The following DAB1 variants were observed in gnomAD, a reference collection of about 807,000 sequenced individuals.
DAB1 encodes DAB adaptor protein 1, also known as disabled homolog 1.
A neutral mutation model predicts 64.6 loss-of-function variants in DAB1; 15 were observed. That is an observed-to-expected ratio of 0.23 (90% confidence interval 0.16 to 0.36). The LOEUF is 0.36. Ranked by LOEUF, DAB1 falls within the 10% of genes least tolerant of loss-of-function variation. The pLI is 1.00. For synonymous variants in DAB1, 235 were observed against 251.9 expected (o/e 0.93, Z 0.64); for missense variants, 596 against 706.7 (o/e 0.84, Z 1.78).
intron 6 of DAB1, among the ~76,000 whole-genome samples, chr1:57,674,314 T>A (rs780959005): frequency 2.0e-5 from 3 of 152,178 alleles, no homozygotes; most frequent in Non-Finnish European, 1.5e-5. Flanking sequence ...ATGATTGCCA[T>A]TTTATGGATG....
intron 5 of DAB1, among the ~76,000 whole-genome samples, chr1:58,064,359 G>A (rs909741794): frequency 1.3e-5 from 2 of 152,204 alleles, no homozygotes; most frequent in Non-Finnish European, 2.9e-5. Context: ...CTGCTGGGCT[G>A]GGAGTCACCA....
chr1:58,166,761 T>TG, intron 4 of DAB1, among the ~76,000 whole-genome samples: 1 of 151,842 alleles, frequency 6.6e-6, no homozygotes, highest in African/African-American at 2.4e-5. Flanking sequence ...TTTTTTTTTT[T>TG]TTTTAATTTG....
intron 7 of DAB1, among the ~76,000 whole-genome samples, chr1:57,585,628 T>C (rs1388652119): frequency 6.6e-6 from 1 of 152,180 alleles, no homozygotes. Flanking sequence ...TATGGTTTCT[T>C]TCTACCCCCT....
At chr1:58,424,948 G>GA (rs11412605) in intron 3 of DAB1, among the ~76,000 whole-genome samples, 66,131 of 151,734 alleles carry the variant, frequency 0.44, 15,072 homozygotes, top group Middle Eastern at 0.54. Context: ...GCAATGTGTG[G>GA]AGGCAATCCT....
At chr1:57,771,923 G>A (rs888523896) in intron 6 of DAB1, among the ~76,000 whole-genome samples, 3 of 152,080 alleles carry the variant, frequency 2.0e-5, no homozygotes, top group Admixed American at 1.3e-4. Flanking sequence ...GTCATTGGAG[G>A]TATTAATACT....
intron 2 of DAB1, among the ~76,000 whole-genome samples, chr1:57,166,367 C>A (rs983531654): frequency 6.6e-6 from 1 of 152,108 alleles, no homozygotes; most frequent in Non-Finnish European, 1.5e-5. Flanking sequence ...AAGAGAGATA[C>A]AAATTATAGG....
chr1:58,093,105 A>G (rs928595058), intron 5 of DAB1, among the ~76,000 whole-genome samples: 13 of 152,142 alleles, frequency 8.5e-5, no homozygotes, highest in African/African-American at 3.1e-4. Context: ...TGGGAGCGCC[A>G]GACTACCCTT....
intron 6 of DAB1, among the ~76,000 whole-genome samples, chr1:57,812,019 T>C (rs767565837): frequency 6.6e-5 from 10 of 152,036 alleles, no homozygotes; most frequent in Non-Finnish European, 1.3e-4. Context: ...ATAATATTGG[T>C]TCCCACCTAG....
chr1:58,439,064 A>G (rs1361658905), intron 3 of DAB1, among the ~76,000 whole-genome samples: 1 of 152,056 alleles, frequency 6.6e-6, no homozygotes, highest in African/African-American at 2.4e-5. Context: ...CTATATCCCA[A>G]GCAGCAGAGA....
At chr1:57,122,892 T>A (rs1410650307) in intron 4 of DAB1, among the ~76,000 whole-genome samples, 2 of 152,152 alleles carry the variant, frequency 1.3e-5, no homozygotes, top group Non-Finnish European at 1.5e-5. Context: ...AGAACTTTAA[T>A]GTGCATTCTC....
At chr1:58,184,562 G>C (rs12730658) in intron 4 of DAB1, among the ~76,000 whole-genome samples, 10,469 of 152,072 alleles carry the variant, frequency 0.069, 408 homozygotes, top group Admixed American at 0.088. Context: ...AAGCTACTTA[G>C]TACAAACCAC....
intron 6 of DAB1, among the ~76,000 whole-genome samples, chr1:57,728,953 CT>C (rs56751716): frequency 0.073 from 11,178 of 152,202 alleles, 1,158 homozygotes; most frequent in African/African-American, 0.24. Flanking sequence ...TGTCTTTTAT[CT>C]TTTGTTGTAA....
chr1:57,541,452 T>G (rs987685168), intron 7 of DAB1, among the ~76,000 whole-genome samples: 4 of 152,172 alleles, frequency 2.6e-5, no homozygotes, highest in Admixed American at 2.0e-4. Context: ...AAAATTCCTA[T>G]TCTGTGGAAA....
At chr1:57,944,740 C>T (rs1032214649) in intron 5 of DAB1, among the ~76,000 whole-genome samples, 2 of 152,116 alleles carry the variant, frequency 1.3e-5, no homozygotes, top group African/African-American at 2.4e-5. Flanking sequence ...TATATAACCT[C>T]GGCAAGCTGC....
intron 1 of DAB1, among the ~76,000 whole-genome samples, chr1:57,319,795 T>TG (rs756489598): frequency 6.6e-6 from 1 of 151,166 alleles, no homozygotes; most frequent in Non-Finnish European, 1.5e-5. Context: ...GAGTTCCTTC[T>TG]GGGAAAAAAA....
At chr1:57,269,615 G>T (rs1670839374) in intron 2 of DAB1, among the ~76,000 whole-genome samples, 1 of 152,070 alleles carries the variant, frequency 6.6e-6, no homozygotes. Context: ...AACAATGTAG[G>T]ATATTCAGAT....
At chr1:58,268,721 T>C (rs1020063992) in intron 4 of DAB1, among the ~76,000 whole-genome samples, 3 of 152,188 alleles carry the variant, frequency 2.0e-5, no homozygotes, top group Non-Finnish European at 2.9e-5. Flanking sequence ...TTAATTCTTA[T>C]CAAAATCACA....
chr1:57,656,873 T>C (rs1214740003), intron 6 of DAB1, among the ~76,000 whole-genome samples: 1 of 152,254 alleles, frequency 6.6e-6, no homozygotes, highest in Non-Finnish European at 1.5e-5. Context: ...AAGTTTAGTT[T>C]CCTCCTTTAA....
At chr1:57,325,784 A>G (rs779614503) in intron 1 of DAB1, among the ~76,000 whole-genome samples, 8 of 152,056 alleles carry the variant, frequency 5.3e-5, no homozygotes, top group Non-Finnish European at 1.2e-4. Context: ...GGCTTCCCTC[A>G]CCTTCCCATT....
Sources: gnomAD v4.1 joint callset for allele counts (sites outside exome capture counted in the v4.1 genomes callset) on GRCh38, gnomAD v4.1.1 for gene constraint, MANE v1.5 for transcripts, NCBI Gene and HGNC (gene_info 2026-07-23, HGNC 2026-07-21) for gene names.